The following HIP1 variants were observed in gnomAD, a reference collection of about 807,000 sequenced individuals.
HIP1 encodes huntingtin-interacting protein 1.
In HIP1, 65 loss-of-function variants were observed where a neutral mutation model predicts 147.6. That is an observed-to-expected ratio of 0.44 (90% CI 0.36 to 0.54). HIP1 has a LOEUF of 0.54. HIP1 is among the 20% of genes least tolerant of loss of function. HIP1 has a pLI of 0.00. For synonymous variants in HIP1, 479 were observed against 504.0 expected (o/e 0.95, Z 0.67); for missense variants, 1,061 against 1,299.6 (o/e 0.82, Z 2.82).
intron 1 of HIP1, among the ~76,000 whole-genome samples, chr7:75,653,827 C>T (rs1025597802): frequency 5.3e-5 from 8 of 152,134 alleles, no homozygotes; most frequent in African/African-American, 1.9e-4. Context: ...TTGTTCGTGG[C>T]TGAATCCCTG....
chr7:75,613,370 A>G (rs1554505406), intron 1 of HIP1, among the ~76,000 whole-genome samples: 1 of 152,054 alleles, frequency 6.6e-6, no homozygotes, highest in East Asian at 1.9e-4. Context: ...TAGCTACAAC[A>G]CTTGGAATTT....
At chr7:75,636,432 A>G (rs1167264130) in intron 1 of HIP1, among the ~76,000 whole-genome samples, 1 of 152,204 alleles carries the variant, frequency 6.6e-6, no homozygotes, top group Non-Finnish European at 1.5e-5. Context: ...AGAAACCTCC[A>G]AGGCTGACAT....
chr7:75,665,106 T>A lies in HIP1; in HGVS notation c.121-65859A>T, dbSNP rs562971724. On this transcript the variant is annotated intron_variant, in intron 1 of 30. Transcript: ENST00000336926. ...GAGACCCTGTTTCTACAAAAAAAAT[T>A]TAAAAATTAGAAAGGCATGGAGGTG... is the stretch of plus-strand genomic sequence containing the variant. Among the ~76,000 whole-genome samples the A allele has an allele frequency of 2.0e-5, 3 of 152,018 alleles. No individual in the cohort carries two copies. In the East Asian group the frequency reaches 5.8e-4, roughly 29 times the overall value.
rs1554489995 is a variant in HIP1, at chr7:75,541,996, CAAG to C, written c.2891-19_2891-17del. 2.5e-6 allele frequency: 4 copies of C among 1,611,482 alleles called. No homozygotes were observed. Among genetic ancestry groups the C allele is most frequent in the Non-Finnish European group, 3.4e-6 (4 of 1,177,578 alleles). On this transcript the variant is annotated splice_polypyrimidine_tract_variant and intron_variant, in intron 28 of 30. Transcript: ENST00000336926. ...TCCATGTTGTCTGCAAGGATGGAAA[CAAG>C]AAGGTCTCATCAAATTCTACCCTGG...
intron 1 of HIP1, among the ~76,000 whole-genome samples, chr7:75,675,397 C>T (rs1554515852): frequency 1.3e-5 from 2 of 152,064 alleles, no homozygotes; most frequent in East Asian, 1.9e-4. Flanking sequence ...CATAGGGTTT[C>T]ACCATGTTGG....
intron 1 of HIP1, among the ~76,000 whole-genome samples, chr7:75,654,198 C>A (rs1799078104): frequency 1.3e-5 from 2 of 152,050 alleles, no homozygotes; most frequent in Non-Finnish European, 2.9e-5. Context: ...AGTTTAAGAC[C>A]AGCCTGGTCA....
intron 14 of HIP1, 22 bp downstream of exon 14, chr7:75,559,710 C>A: frequency 3.0e-6 from 3 of 1,003,646 alleles, no homozygotes; most frequent in Admixed American, 2.7e-5. Context: ...GGGGCCCGCC[C>A]CCGCCCCCAC....
intron 20 of HIP1, 61 bp downstream of exon 20, chr7:75,554,379 G>T: frequency 7.6e-6 from 11 of 1,438,236 alleles, no homozygotes; most frequent in Non-Finnish European, 1.1e-5. Context: ...CCGCATTCAG[G>T]TGCTTCTGAA....
At chr7:75,723,948 A>C (rs868908884) in intron 1 of HIP1, among the ~76,000 whole-genome samples, 1 of 122,460 alleles carries the variant, frequency 8.2e-6, no homozygotes, top group South Asian at 2.7e-4. Context: ...TTATATATAT[A>C]TAGAGAGAGA....
At chr7:75,658,646 T>C (rs1327683466) in intron 1 of HIP1, among the ~76,000 whole-genome samples, 5 of 151,140 alleles carry the variant, frequency 3.3e-5, no homozygotes, top group African/African-American at 1.2e-4. Context: ...CCAGGCGCCG[T>C]GGCTCATGCC....
At position 75,568,415 on chromosome 7, in the gene HIP1, C is replaced by T. The variant is rs1795491621; in HGVS notation, c.746-159G>A. Reference sequence around the variant, plus strand: ...TAGAGCTGTCCCGAGGTCTGGTAACCAAGGGAGCCCAGCAGGAACCAGCAG... The same window carrying T: ...TAGAGCTGTCCCGAGGTCTGGTAACTAAGGGAGCCCAGCAGGAACCAGCAG... On this transcript the variant is annotated intron_variant, in intron 8 of 30. Transcript: ENST00000336926. The surrounding 1 kb of genome is among the most constrained non-coding windows in gnomAD (Gnocchi z 4.1). 6.6e-6 allele frequency among the ~76,000 whole-genome samples: 1 copy of T among 152,148 alleles called. No individual in the cohort carries two copies. The highest frequency in any genetic ancestry group is 2.1e-4 in the South Asian group (1 of 4,830).
intron 1 of HIP1, among the ~76,000 whole-genome samples, chr7:75,641,909 ACTCCATCTAATCAGGTCCCACATCC>A (rs1162082267): frequency 1.3e-5 from 2 of 151,954 alleles, no homozygotes; most frequent in African/African-American, 4.8e-5. Flanking sequence ...CCCCGCTCCC[ACTCCATCTAATCAGGTCCCACATCC>A]CTGCGATTCT....
At chr7:75,692,509 C>G (rs542472466) in intron 1 of HIP1, among the ~76,000 whole-genome samples, 1 of 152,112 alleles carries the variant, frequency 6.6e-6, no homozygotes, top group East Asian at 1.9e-4. Flanking sequence ...CAGCCTCTGC[C>G]CCCCAGGTTC....
At chr7:75,675,590 A>G (rs1799863039) in intron 1 of HIP1, among the ~76,000 whole-genome samples, 1 of 152,016 alleles carries the variant, frequency 6.6e-6, no homozygotes, top group Admixed American at 6.6e-5. Flanking sequence ...CTGTTAATTC[A>G]TCATCTCCCT....
intron 15 of HIP1, among the ~76,000 whole-genome samples, 194 bp from the exon 16 acceptor site, chr7:75,557,964 G>A (rs587719631): frequency 2.6e-5 from 4 of 152,182 alleles, no homozygotes; most frequent in Admixed American, 2.6e-4. Context: ...AAAGAAGGTG[G>A]GTGACCTACA....
At position 75,573,752 on chromosome 7, in the gene HIP1, G is replaced by A. The variant is rs374291011; in HGVS notation, c.745+9C>T. 3.2e-4 allele frequency: 515 copies of A among 1,612,276 alleles called. 1 individual carries two copies. The highest frequency in any genetic ancestry group is 4.1e-4 in the Non-Finnish European group (479 of 1,178,558). ...TCTCATGTAAGAAGATCTGGCCCGC[G>A]GTACTCACAGGAGTGGAGTTTGAAG... On this transcript the variant is annotated intron_variant, in intron 8 of 30. Transcript: ENST00000336926.
chr7:75,600,390 C>T (rs1041300678), intron 1 of HIP1, among the ~76,000 whole-genome samples: 14 of 152,268 alleles, frequency 9.2e-5, no homozygotes, highest in Non-Finnish European at 1.8e-4. Flanking sequence ...AGATTACAGG[C>T]GTGAGCCACT....
intron 1 of HIP1, among the ~76,000 whole-genome samples, chr7:75,656,309 A>G (rs1233855910): frequency 6.6e-6 from 1 of 151,950 alleles, no homozygotes. Flanking sequence ...TGGCATTTCA[A>G]ATTAGTAGGG....
At chr7:75,673,266 G>A (rs781967581) in intron 1 of HIP1, among the ~76,000 whole-genome samples, 12 of 152,088 alleles carry the variant, frequency 7.9e-5, no homozygotes, top group Admixed American at 1.3e-4. Context: ...CAAGTGATCT[G>A]CCTGCCTCGG....
Sources: gnomAD v4.1 joint callset for allele counts (sites outside exome capture counted in the v4.1 genomes callset) on GRCh38, gnomAD v4.1.1 for gene constraint, Gnocchi (gnomAD v3.1) non-coding constraint, MANE v1.5 for transcripts, NCBI Gene and HGNC (gene_info 2026-07-23, HGNC 2026-07-21) for gene names.